PATE2: variants seen among roughly 807,000 people sequenced by gnomAD.
PATE2 encodes prostate and testis expressed 2.
PATE2 carries 7 observed loss-of-function variants against 10.5 expected under a neutral mutation model. That is an observed-to-expected ratio of 0.66 (90% CI 0.38 to 1.25). The LOEUF is 1.25. PATE2 is among the 50% of genes most tolerant of loss of function. The probability of loss-of-function intolerance (pLI) is 0.02; values close to 1 mark genes in which losing one functional copy is unlikely to be tolerated. For synonymous variants in PATE2, 44 were observed against 46.9 expected, an observed-to-expected ratio of 0.94 and a Z score of 0.25; for missense variants, 133 against 135.4, an observed-to-expected ratio of 0.98 and a Z score of 0.09.
Position 125,777,442 on chromosome 11 carries a change from C to T in PATE2, c.282G>A (p.Lys94=). The T allele has an allele frequency of 3.7e-6, 6 of 1,613,776 alleles. No homozygotes were observed. Among genetic ancestry groups the T allele is most frequent in the Non-Finnish European group, 5.1e-6 (6 of 1,179,784 alleles). The part of the protein sequence containing the change: ...CEDINFLGFT[K]RVELICCDHS... The stretch of plus-strand genomic sequence containing the variant: ...GATCACAACAGATGAGCTCTACCCT[C>T]TTCGTGAACCCCAGGAAGTTGATGT... Residue 94 remains lysine (K), a synonymous_variant, in exon 4 of 4, where the codon AAG becomes AAA. Transcript: ENST00000358524.
Position 125,777,221 on chromosome 11 carries a change from T to C in PATE2, c.*161A>G. ...GTGCTCCATCATCAATAGGCTCCGC[T>C]GTCCACACTGCGTCTCCTTATGCCT... is the stretch of plus-strand genomic sequence containing the variant. On this transcript the variant is annotated 3_prime_UTR_variant, in exon 4 of 4. Transcript: ENST00000358524. The C allele has an allele frequency of 1.3e-6, 1 of 763,800 alleles. No homozygotes were observed. The highest frequency in any genetic ancestry group is 2.7e-5 in the East Asian group (1 of 36,480). 47.3% of individuals were successfully genotyped at this position (763,800 alleles called of 1,614,324 possible).
Position 125,777,919 on chromosome 11 carries a change from T to G in PATE2, c.160A>C (p.Lys54Gln). The G allele has an allele frequency of 6.2e-7, 1 of 1,613,526 alleles. No homozygotes were observed. The highest frequency in any genetic ancestry group is 8.5e-7 in the Non-Finnish European group (1 of 1,179,650). The stretch of plus-strand genomic sequence containing the variant: ...AAGTTCTCAACTGCACAGGACTGTT[T>G]ATGCTTCAGGGAGCAGGATGTCATG... ...GVMTSCSLKH[K>Q]QSCAVENFYI... The change falls in exon 3 of 4, where the codon AAA becomes CAA. Residue 54 changes from lysine (K) to glutamine (Q), a missense_variant. Physicochemically the swap from Lys to Gln is moderately conservative, Grantham distance 53. Transcript: ENST00000358524.
chr11:125,777,811 G>A (rs1331091398), intron 3 of PATE2, 63 bp downstream of exon 3: 1 of 1,582,112 alleles, frequency 6.3e-7, no homozygotes, highest in African/African-American at 1.3e-5. Context: ...GAGGGCAAAA[G>A]AACACTACTG....
Position 125,778,714 on chromosome 11 carries a change from G to C in PATE2, c.52+8C>G. The C allele has an allele frequency of 6.2e-7, 1 of 1,613,542 alleles. No individual in the cohort carries two copies. Among genetic ancestry groups the C allele is most frequent in the South Asian group, 1.1e-5 (1 of 91,066 alleles). ...ACCACCAGCTTCCCCTCTGTCTCCA[G>C]GACTTACCCCAATATGGGCAGAGCA... On this transcript the variant is annotated splice_region_variant and intron_variant, in intron 1 of 3. Transcript: ENST00000358524.
rs1289360493 is a variant in PATE2, at chr11:125,776,358, T to C, written c.*1024A>G. On this transcript the variant is annotated 3_prime_UTR_variant, in exon 4 of 4. Transcript: ENST00000358524. The stretch of plus-strand genomic sequence containing the variant: ...GGTTAGTGTGTATCCAAGGAAAATG[T>C]GCCACCTTGGCCACAGGTGTGCTCC... The C allele has an allele frequency of 6.6e-6, 1 of 152,160 alleles. No homozygotes were observed. The highest frequency in any genetic ancestry group is 1.5e-5 in the Non-Finnish European group (1 of 68,038). The allele number at this position is 152,160 out of a possible 1,614,324, so 9.4% of individuals were successfully genotyped here.
In PATE2 at chr11:125,777,088, C is replaced by A; in HGVS notation, c.*294G>T. 1 of 276,744 alleles carries A rather than the reference C, an allele frequency of 3.6e-6. No individual in the cohort carries two copies. The highest frequency in any genetic ancestry group is 6.9e-6 in the Non-Finnish European group (1 of 145,334). The allele number at this position is 276,744 out of a possible 1,614,324, so 17.1% of individuals were successfully genotyped here. A position where few individuals can be genotyped will look rare whatever the true frequency, so the allele number is the denominator to read the frequency against. ...TGGCCCAAGTGTTCACATTTTCATA[C>A]AGGAGATAATAAATGACCAAGTCTG... is the stretch of plus-strand genomic sequence containing the variant. On this transcript the variant is annotated 3_prime_UTR_variant, in exon 4 of 4. Coordinates refer to ENST00000358524, the MANE Select transcript of PATE2 (RefSeq NM_212555.3).
At position 125,777,226 on chromosome 11, in the gene PATE2, A is replaced by T. The variant is rs548597; in HGVS notation, c.*156T>A. 2 of 811,636 alleles carry T rather than the reference A, an allele frequency of 2.5e-6. No individual in the cohort carries two copies. The highest frequency in any genetic ancestry group is 3.8e-6 in the Non-Finnish European group (2 of 530,086). 50.3% of individuals were successfully genotyped at this position (811,636 alleles called of 1,614,324 possible). A position where few individuals can be genotyped will look rare whatever the true frequency, so the allele number is the denominator to read the frequency against. On this transcript the variant is annotated 3_prime_UTR_variant, in exon 4 of 4. Transcript: ENST00000358524. The stretch of plus-strand genomic sequence containing the variant: ...CCATCATCAATAGGCTCCGCTGTCC[A>T]CACTGCGTCTCCTTATGCCTGCTTG...
rs992872595 is a variant in PATE2, at chr11:125,776,125, A to G, written c.*1257T>C. On this transcript the variant is annotated 3_prime_UTR_variant, in exon 4 of 4. Transcript: ENST00000358524. ...TTTCATATGCTCATTTACTATCTGTATATCTTTTTCTATTCAGATTTTTTG... is the reference window on the plus strand; with the variant it reads ...TTTCATATGCTCATTTACTATCTGTGTATCTTTTTCTATTCAGATTTTTTG... 7 of 152,126 alleles carry G rather than the reference A, an allele frequency of 4.6e-5. No homozygotes were observed. The highest frequency in any genetic ancestry group is 1.7e-4 in the African/African-American group (7 of 41,420). 9.4% of individuals were successfully genotyped at this position (152,126 alleles called of 1,614,324 possible).
Position 125,777,972 on chromosome 11 carries a change from T to A in PATE2, c.107A>T (p.Lys36Ile). The A allele has an allele frequency of 6.2e-7, 1 of 1,613,230 alleles. No homozygotes were observed. The highest frequency in any genetic ancestry group is 1.1e-5 in the South Asian group (1 of 91,050). Residue 36 changes from lysine to isoleucine, a missense_variant, in exon 3 of 4, where the codon AAA becomes ATA. Transcript: ENST00000358524. ...ATEIMCYECK[K>I]YHLGLCYGVM... ...ACCATAGCATAACCCAAGATGATAT[T>A]TTTTACATTCATAACACATTATTTC...
chr11:125,778,488 T>C (rs1475137219), intron 2 of PATE2, 64 bp downstream of exon 2: 2 of 1,545,144 alleles, frequency 1.3e-6, no homozygotes, highest in Non-Finnish European at 1.8e-6. Context: ...GAAGGAAAGG[T>C]TTGCTCCTAA....
chr11:125,778,730 G>A lies in PATE2; in HGVS notation c.44C>T (p.Pro15Leu), dbSNP rs774223051. 7.4e-6 allele frequency: 12 copies of A among 1,613,500 alleles called. No homozygotes were observed. Among genetic ancestry groups the A allele is most frequent in the South Asian group, 1.1e-5 (1 of 91,042 alleles). The change falls in exon 1 of 4, where the codon CCA becomes CTA. Residue 15 changes from proline (P) to leucine (L), a missense_variant. Pro to Leu is a moderately conservative substitution (Grantham distance 98). Transcript: ENST00000358524. ...FLLGTVFLLC[P>L]YWGELHDPIK... Reference sequence around the variant, plus strand: ...CTGTCTCCAGGACTTACCCCAATATGGGCAGAGCAGAAAGACTGTGCCCAG... The same window carrying A: ...CTGTCTCCAGGACTTACCCCAATATAGGCAGAGCAGAAAGACTGTGCCCAG...
rs375709715 is a variant in PATE2, at chr11:125,776,171, T to C, written c.*1211A>G. On this transcript the variant is annotated 3_prime_UTR_variant, in exon 4 of 4. Transcript: ENST00000358524. Reference sequence around the variant, plus strand: ...TTTTGGCCAATTTTTCTGGCCTTTATTTATTTATTTATTTTTTTATTTTAC... The same window carrying C: ...TTTTGGCCAATTTTTCTGGCCTTTACTTATTTATTTATTTTTTTATTTTAC... 4 of 152,246 alleles carry C rather than the reference T, an allele frequency of 2.6e-5. No individual in the cohort carries two copies. In the East Asian group the frequency reaches 5.8e-4, roughly 22 times the overall value. The allele number at this position is 152,246 out of a possible 1,614,324, so 9.4% of individuals were successfully genotyped here.
intron 3 of PATE2, 76 bp downstream of exon 3, chr11:125,777,798 G>A (rs567589966): frequency 1.7e-5 from 26 of 1,543,672 alleles, no homozygotes; most frequent in South Asian, 1.6e-4. Flanking sequence ...ACCTACTCAC[G>A]CTGAGGGCAA....
At position 125,778,406 on chromosome 11, in the gene PATE2, A is replaced by G; in HGVS notation, c.76+146T>C. 4.5e-6 allele frequency: 4 copies of G among 892,124 alleles called. No homozygotes were observed. The South Asian group carries it at 6.6e-5, about 15-fold the overall frequency. 55.3% of individuals were successfully genotyped at this position (892,124 alleles called of 1,614,324 possible). ...AGCCTCCTTACTCTAAGAAATGGAC[A>G]AAACAGGTCTGGCAGGAGGCGAAAC... On this transcript the variant is annotated intron_variant, in intron 2 of 3. Coordinates refer to ENST00000358524, the MANE Select transcript of PATE2 (RefSeq NM_212555.3).
chr11:125,777,560 A>T, intron 3 of PATE2, 42 bp from the exon 4 acceptor site: 3 of 1,610,236 alleles, frequency 1.9e-6, no homozygotes, highest in South Asian at 2.2e-5. Context: ...TAATGACCTC[A>T]TTTCCTTTTA....
Position 125,778,819 on chromosome 11 carries a change from G to T in PATE2, c.-46C>A, listed in dbSNP as rs925413600. Reference sequence around the variant, plus strand: ...CAGCTTCCTGTGGAAGGAGCAAGTTGTTCTCTTGTGATCTGTCCTTGGGCT... The same window carrying T: ...CAGCTTCCTGTGGAAGGAGCAAGTTTTTCTCTTGTGATCTGTCCTTGGGCT... On this transcript the variant is annotated 5_prime_UTR_variant, in exon 1 of 4. Transcript: ENST00000358524. 6.9e-6 allele frequency: 11 copies of T among 1,601,048 alleles called. No homozygotes were observed. In the African/African-American group the frequency reaches 1.2e-4, roughly 18 times the overall value.
At position 125,777,476 on chromosome 11, in the gene PATE2, C is replaced by A. The variant is rs1363432543; in HGVS notation, c.248G>T (p.Ser83Ile). ...YHYSKLSCMT[S>I]CEDINFLGFT... ...CCCCAGGAAGTTGATGTCCTCACAG[C>A]TGGTCATACACGACAGTTTTGAATA... The change falls in exon 4 of 4, where the codon AGC (serine) becomes ATC (isoleucine). Residue 83 changes from serine to isoleucine, a missense_variant. By Grantham distance (142) the Ser-to-Ile change is moderately radical. Coordinates refer to ENST00000358524, the MANE Select transcript of PATE2 (RefSeq NM_212555.3). 1.9e-6 allele frequency: 3 copies of A among 1,613,750 alleles called. No homozygotes were observed. The highest frequency in any genetic ancestry group is 2.5e-6 in the Non-Finnish European group (3 of 1,179,786).
At position 125,777,963 on chromosome 11, in the gene PATE2, AGAT is replaced by A; in HGVS notation, c.113_115del (p.His38del). 6.2e-7 allele frequency: 1 copy of A among 1,613,264 alleles called. No individual in the cohort carries two copies. The highest frequency in any genetic ancestry group is 8.5e-7 in the Non-Finnish European group (1 of 1,179,398). ...TGTCATGACACCATAGCATAACCCA[AGAT>A]GATATTTTTTACATTCATAACACAT... On this transcript the variant is annotated inframe_deletion, in exon 3 of 4. Coordinates refer to ENST00000358524, the MANE Select transcript of PATE2 (RefSeq NM_212555.3).
chr11:125,776,792 G>GAA lies in PATE2; in HGVS notation c.*588_*589dup, dbSNP rs1212211376. ...GTTTTTACCAGTTGAAATGCCCCCT[G>GAA]AAGTTTTCTTTGATGCTCATCCCTA... is the stretch of plus-strand genomic sequence containing the variant. On this transcript the variant is annotated 3_prime_UTR_variant, in exon 4 of 4. Transcript: ENST00000358524. 6.6e-6 allele frequency: 1 copy of GAA among 151,386 alleles called. No homozygotes were observed. The highest frequency in any genetic ancestry group is 1.5e-5 in the Non-Finnish European group (1 of 67,980). The allele number at this position is 151,386 out of a possible 1,614,324, so 9.4% of individuals were successfully genotyped here.
Sources: allele counts gnomAD v4.1 joint callset, GRCh38; gene constraint gnomAD v4.1.1; transcripts MANE v1.5; gene names NCBI Gene and HGNC (gene_info 2026-07-23, HGNC 2026-07-21).